Variants in HIVEP3 observed in about 807,000 individuals in gnomAD.
The protein encoded by HIVEP3 is transcription factor HIVEP3.
Under a neutral mutation model 152.8 loss-of-function variants are expected in HIVEP3, and 49 were observed. The observed-to-expected ratio is 0.32, with a 90% confidence interval of 0.26 to 0.41. HIVEP3 has a LOEUF of 0.41. HIVEP3 is among the 10% of genes least tolerant of loss of function. The pLI is 1.00. For synonymous variants in HIVEP3, 1,269 were observed against 1,289.0 expected (o/e 0.98, Z 0.33); for missense variants, 2,790 against 3,103.3 (o/e 0.90, Z 2.40).
chr1:41,687,654 C>G (rs1279373415), intron 2 of HIVEP3, among the ~76,000 whole-genome samples: 2 of 152,248 alleles, frequency 1.3e-5, no homozygotes, highest in African/African-American at 4.8e-5. Flanking sequence ...GGAGCAATGA[C>G]AGAGTCCCCG....
At chr1:41,680,929 T>C (rs1037167673) in intron 2 of HIVEP3, among the ~76,000 whole-genome samples, 2 of 152,254 alleles carry the variant, frequency 1.3e-5, no homozygotes, top group African/African-American at 4.8e-5. Flanking sequence ...GTACTTGCTA[T>C]GTGCCATGAT....
chr1:41,570,776 A>G (rs1644240994), intron 5 of HIVEP3, among the ~76,000 whole-genome samples: 1 of 152,202 alleles, frequency 6.6e-6, no homozygotes, highest in African/African-American at 2.4e-5. Flanking sequence ...GAGGGTCATC[A>G]TTGACTTGGA....
rs372936110 is a variant in HIVEP3, at chr1:42,034,485, C to G, written n.119+1322G>C. Among the ~76,000 whole-genome samples, 47 of 152,264 alleles carry G rather than the reference C, an allele frequency of 3.1e-4. No individual in the cohort carries two copies. In the East Asian group the frequency reaches 5.8e-3, roughly 19 times the overall value. On this transcript the variant is annotated intron_variant and non_coding_transcript_variant, in intron 1 of 3. Transcript: ENST00000489103. ...ATCAGGTATTATTAAAGATTCAACA[C>G]TACAACGGCGCCTGATTACAAGAGA...
chr1:41,794,306 C>T (rs1403014004), intron 1 of HIVEP3, among the ~76,000 whole-genome samples: 2 of 152,082 alleles, frequency 1.3e-5, no homozygotes, highest in Non-Finnish European at 2.9e-5. Context: ...GGGAAAATGC[C>T]CCCATGATTC....
rs1643703110 is a variant in HIVEP3 at position 41,545,045 on chromosome 1, TACCACC to T, written c.5208-20141_5208-20136del. Among the ~76,000 whole-genome samples, 53 of 21,498 alleles carry T rather than the reference TACCACC, an allele frequency of 2.5e-3. 3 individuals are homozygous for T. Among genetic ancestry groups the T allele is most frequent in the Non-Finnish European group, 3.9e-3 (37 of 9,418 alleles). 14.1% of individuals were successfully genotyped at this position (21,498 alleles called of 152,430 possible). On this transcript the variant is annotated intron_variant, in intron 5 of 8. Coordinates refer to ENST00000372583, the MANE Select transcript of HIVEP3 (RefSeq NM_024503.5). Reference sequence around the variant, plus strand: ...CCACCACCACCACCACCAATACCACTACCACCACCATCACTACCACCACCACCAACA... The same window carrying T: ...CCACCACCACCACCACCAATACCACTACCATCACTACCACCACCACCAACA...
rs781357885 is a variant in HIVEP3, at chr1:41,575,567, C to A, written c.5184G>T (p.Ala1728=). ...ACCCTCCTTCGAAGATTTTGATCCT[C>A]GCCGGCTCCCCTCTCTGGGAGGCAG... ...DAPASQRGEP[A]RIKIFEGGYK... The change falls in exon 5 of 9, where the codon GCG becomes GCT. Residue 1728 remains alanine, a synonymous_variant. Transcript: ENST00000372583. 1 of 1,614,172 alleles carries A rather than the reference C, an allele frequency of 6.2e-7. No homozygotes were observed. The highest frequency in any genetic ancestry group is 2.2e-5 in the East Asian group (1 of 44,884).
At chr1:41,754,584 A>G (rs970789401) in intron 1 of HIVEP3, among the ~76,000 whole-genome samples, 3 of 152,228 alleles carry the variant, frequency 2.0e-5, no homozygotes, top group Non-Finnish European at 4.4e-5. Flanking sequence ...GATGAGCGAC[A>G]ATAAGCAAGG....
At chr1:41,574,950 G>A (rs905865901) in intron 5 of HIVEP3, among the ~76,000 whole-genome samples, 8 of 152,316 alleles carry the variant, frequency 5.3e-5, no homozygotes, top group Middle Eastern at 3.4e-3. Context: ...TAGACCATTC[G>A]TTTCCCAAAG....
At chr1:41,711,108 G>A (rs1437362006) in intron 1 of HIVEP3, among the ~76,000 whole-genome samples, 1 of 152,222 alleles carries the variant, frequency 6.6e-6, no homozygotes, top group Non-Finnish European at 1.5e-5. Flanking sequence ...CACCGGGCTG[G>A]CCTTCTAGTG....
Position 41,510,829 on chromosome 1 carries a change from G to A in HIVEP3, c.6843C>T (p.Thr2281=), listed in dbSNP as rs377343544. 7.3e-5 allele frequency: 118 copies of A among 1,612,972 alleles called. No individual in the cohort carries two copies. The highest frequency in any genetic ancestry group is 1.9e-4 in the South Asian group (17 of 91,066). ...CAGGAGGCCTGCCCGGGCCTCCGCC[G>A]GTCCTCTCCCTCTCCTTGGGGTAGT... is the stretch of plus-strand genomic sequence containing the variant. The part of the protein sequence containing the change: ...GGDYPKERER[T]GGGPGRPPDW... The change falls in exon 9 of 9, where the codon ACC becomes ACT. Residue 2281 remains threonine (T), a synonymous_variant. Transcript: ENST00000372583.
rs187370259 is a variant in HIVEP3 at position 41,948,389 on chromosome 1, C to T, written n.120-29865G>A. ...GGAGAGAAAGGGAATTCCTACCTTC[C>T]GAGGGAACACCTATCAAACATCAGG... On this transcript the variant is annotated intron_variant and non_coding_transcript_variant, in intron 1 of 3. Transcript: ENST00000489103. Among the ~76,000 whole-genome samples, 484 of 152,270 alleles carry T rather than the reference C, an allele frequency of 3.2e-3. 3 individuals carry two copies. The highest frequency in any genetic ancestry group is 0.011 in the African/African-American group (463 of 41,544).
chr1:41,780,634 C>G (rs1384354802), intron 1 of HIVEP3, among the ~76,000 whole-genome samples: 2 of 152,152 alleles, frequency 1.3e-5, no homozygotes, highest in African/African-American at 2.4e-5. Context: ...CCACAGAGGT[C>G]AAACCAGTGA....
intron 1 of HIVEP3, among the ~76,000 whole-genome samples, chr1:41,752,655 C>A (rs1157386624): frequency 6.6e-6 from 1 of 152,194 alleles, no homozygotes; most frequent in African/African-American, 2.4e-5. Flanking sequence ...TGGGCCTGTC[C>A]CAGACCGACA....
intron 1 of HIVEP3, among the ~76,000 whole-genome samples, chr1:42,020,408 G>T (rs1645547050): frequency 6.6e-6 from 1 of 151,796 alleles, no homozygotes; most frequent in Admixed American, 6.6e-5. Context: ...CTCTATTCAG[G>T]TTTTCTATTT....
At chr1:41,726,286 C>T (rs1646751142) in intron 1 of HIVEP3, among the ~76,000 whole-genome samples, 1 of 152,150 alleles carries the variant, frequency 6.6e-6, no homozygotes, top group African/African-American at 2.4e-5. Flanking sequence ...AAAACCAGGG[C>T]TCCTTCCTCA....
At chr1:41,940,729 G>GA (rs1393731612) in intron 1 of HIVEP3, among the ~76,000 whole-genome samples, 3 of 151,956 alleles carry the variant, frequency 2.0e-5, no homozygotes, top group African/African-American at 4.8e-5. Flanking sequence ...TGCCTCTAAA[G>GA]AAAAAAATTG....
At chr1:42,002,894 G>A (rs893118110) in intron 1 of HIVEP3, among the ~76,000 whole-genome samples, 44 of 148,582 alleles carry the variant, frequency 3.0e-4, no homozygotes, top group African/African-American at 9.3e-4. Flanking sequence ...CATTTTACCC[G>A]CACATGGTAG....
intron 1 of HIVEP3, among the ~76,000 whole-genome samples, chr1:42,006,567 C>CAA (rs35692836): frequency 3.8e-5 from 5 of 132,862 alleles, no homozygotes; most frequent in African/African-American, 8.3e-5. Context: ...TTTCCAAAGC[C>CAA]AAAAAAAAAA....
intron 5 of HIVEP3, among the ~76,000 whole-genome samples, chr1:41,573,973 A>G (rs1482773030): frequency 6.6e-6 from 1 of 152,156 alleles, no homozygotes; most frequent in Non-Finnish European, 1.5e-5. Flanking sequence ...GTGTAGGTAG[A>G]GACATCCAGC....
Sources: gnomAD v4.1 joint callset for allele counts (sites outside exome capture counted in the v4.1 genomes callset) on GRCh38, gnomAD v4.1.1 for gene constraint, MANE v1.5 for transcripts, NCBI Gene and HGNC (gene_info 2026-07-23, HGNC 2026-07-21) for gene names.